ADAMTSL1: variants seen among roughly 807,000 people sequenced by gnomAD.
ADAMTSL1 encodes the protein ADAMTS like 1, also known as ADAMTS-like protein 1.
A neutral mutation model predicts 201.8 loss-of-function variants in ADAMTSL1; 126 were observed. That is an observed-to-expected ratio of 0.62 (90% confidence interval 0.54 to 0.72). ADAMTSL1 has a LOEUF of 0.72. ADAMTSL1 is among the 30% of genes least tolerant of loss of function. The pLI, the probability that ADAMTSL1 is intolerant of heterozygous loss-of-function variation, is 0.00. For synonymous variants in ADAMTSL1, 1,121 were observed against 903.4 expected (o/e 1.24, Z -4.32); for missense variants, 2,679 against 2,277.8 (o/e 1.18, Z -3.59).
intron 3 of ADAMTSL1, among the ~76,000 whole-genome samples, chr9:18,539,701 C>G (rs987392706): frequency 6.6e-6 from 1 of 152,176 alleles, no homozygotes; most frequent in Admixed American, 6.5e-5. Context: ...ATTGTCCAAT[C>G]TGATTCCAGG....
At chr9:18,317,841 G>T (rs937745700) in intron 2 of ADAMTSL1, among the ~76,000 whole-genome samples, 1 of 152,158 alleles carries the variant, frequency 6.6e-6, no homozygotes, top group Non-Finnish European at 1.5e-5. Flanking sequence ...AACTTCCTGA[G>T]GGCAAACACC....
chr9:18,670,539 G>A (rs139828832), intron 9 of ADAMTSL1, among the ~76,000 whole-genome samples: 1,584 of 152,338 alleles, frequency 0.01, 11 homozygotes, highest in South Asian at 0.023. Flanking sequence ...AAGGCAAGAC[G>A]TGGGACTGAA....
At chr9:18,066,043 C>A (rs1436702138) in intron 1 of ADAMTSL1, among the ~76,000 whole-genome samples, 4 of 150,106 alleles carry the variant, frequency 2.7e-5, no homozygotes, top group Non-Finnish European at 1.5e-5. Context: ...GACCAGTTCT[C>A]CCTTATTTAA....
chr9:18,462,641 A>G (rs147154320), intron 2 of ADAMTSL1, among the ~76,000 whole-genome samples: 14 of 152,220 alleles, frequency 9.2e-5, no homozygotes, highest in African/African-American at 3.4e-4. Flanking sequence ...TTTAATCAGT[A>G]GAAGAAGGAA....
At chr9:18,382,851 A>G (rs1439018424) in intron 2 of ADAMTSL1, among the ~76,000 whole-genome samples, 1 of 152,188 alleles carries the variant, frequency 6.6e-6, no homozygotes, top group Non-Finnish European at 1.5e-5. Context: ...CAGCTCTGCG[A>G]GTCTGGTCCT....
At chr9:18,894,501 C>A (rs1829494476) in intron 26 of ADAMTSL1, among the ~76,000 whole-genome samples, 1 of 151,892 alleles carries the variant, frequency 6.6e-6, no homozygotes, top group African/African-American at 2.4e-5. Context: ...AATCCATTTC[C>A]TCTTTATAAG....
At chr9:18,599,970 G>A (rs753795791) in intron 4 of ADAMTSL1, among the ~76,000 whole-genome samples, 9 of 136,110 alleles carry the variant, frequency 6.6e-5, no homozygotes, top group Non-Finnish European at 1.1e-4. Flanking sequence ...GGCTAACATG[G>A]TGAAACCTCG....
At chr9:18,413,467 G>T (rs1041983491) in intron 2 of ADAMTSL1, among the ~76,000 whole-genome samples, 1 of 152,108 alleles carries the variant, frequency 6.6e-6, no homozygotes, top group Non-Finnish European at 1.5e-5. Context: ...GCCCGGCCAG[G>T]ATAATGTTTT....
At chr9:18,251,346 T>C (rs1831459076) in intron 2 of ADAMTSL1, among the ~76,000 whole-genome samples, 1 of 152,148 alleles carries the variant, frequency 6.6e-6, no homozygotes, top group Admixed American at 6.5e-5. Flanking sequence ...GTTGAGTTTC[T>C]AGACAAGAAA....
chr9:18,308,350 G>T (rs779035611), intron 2 of ADAMTSL1, among the ~76,000 whole-genome samples: 9 of 152,052 alleles, frequency 5.9e-5, no homozygotes, highest in African/African-American at 1.2e-4. Context: ...GATCAGAGCA[G>T]AATTGAAGGA....
intron 21 of ADAMTSL1, among the ~76,000 whole-genome samples, chr9:18,818,041 A>T (rs1225692333): frequency 6.6e-6 from 1 of 152,194 alleles, no homozygotes; most frequent in Non-Finnish European, 1.5e-5. Context: ...TCTGTATAAA[A>T]ATATTTACCT....
At chr9:18,560,459 C>T (rs2132275540) in intron 3 of ADAMTSL1, among the ~76,000 whole-genome samples, 1 of 152,178 alleles carries the variant, frequency 6.6e-6, no homozygotes, top group East Asian at 1.9e-4. Context: ...GGATATTGGC[C>T]TGAAATTTTC....
At chr9:18,795,886 T>G (rs1453270390) in intron 20 of ADAMTSL1, among the ~76,000 whole-genome samples, 3 of 152,206 alleles carry the variant, frequency 2.0e-5, no homozygotes, top group Admixed American at 2.0e-4. Context: ...GAAGACTCTT[T>G]TGGATCCTGT....
At chr9:18,608,028 A>G (rs1290301460) in intron 4 of ADAMTSL1, among the ~76,000 whole-genome samples, 3 of 152,168 alleles carry the variant, frequency 2.0e-5, no homozygotes, top group African/African-American at 4.8e-5. Context: ...TATACATAAT[A>G]CATGCAGAAG....
chr9:18,777,317 G>C lies in ADAMTSL1; in HGVS notation c.3088G>C (p.Glu1030Gln), dbSNP rs774824904. 55 of 1,602,292 alleles carry C rather than the reference G, an allele frequency of 3.4e-5. No individual in the cohort carries two copies. Among genetic ancestry groups the C allele is most frequent in the Non-Finnish European group, 4.6e-5 (54 of 1,174,668 alleles). The change falls in exon 19 of 29, where the codon GAG becomes CAG. Residue 1030 changes from glutamate to glutamine, a missense_variant. Transcript: ENST00000380548. ...RYDDLVSRLL[E>Q]QGGWPGELLA... is the part of the protein sequence containing the mutation. ...CGACGACCTCGTCTCCCGGCTGCTG[G>C]AGCAGGGCGGCTGGCCCGGAGAGCT...
chr9:18,199,411 T>C (rs1430668062), intron 2 of ADAMTSL1, among the ~76,000 whole-genome samples: 1 of 152,068 alleles, frequency 6.6e-6, no homozygotes, highest in Admixed American at 6.6e-5. Context: ...TATAAGACAA[T>C]TGATCACTAA....
chr9:18,344,942 G>A (rs1183442063), intron 2 of ADAMTSL1, among the ~76,000 whole-genome samples: 1 of 152,126 alleles, frequency 6.6e-6, no homozygotes, highest in African/African-American at 2.4e-5. Context: ...CCCCTCGGGA[G>A]GCCCTCTTTT....
chr9:18,494,491 G>A (rs888577592), intron 1 of ADAMTSL1, among the ~76,000 whole-genome samples: 3 of 152,144 alleles, frequency 2.0e-5, no homozygotes, highest in African/African-American at 7.2e-5. Flanking sequence ...ATGTGAGCAA[G>A]ATGGTGAGGA....
chr9:18,227,904 G>A (rs1830490793), intron 2 of ADAMTSL1, among the ~76,000 whole-genome samples: 1 of 152,196 alleles, frequency 6.6e-6, no homozygotes, highest in Non-Finnish European at 1.5e-5. Context: ...AAGGTGCTCA[G>A]AGCATGTTTG....
Sources: gnomAD v4.1 joint callset for allele counts (sites outside exome capture counted in the v4.1 genomes callset) on GRCh38, gnomAD v4.1.1 for gene constraint, MANE v1.5 for transcripts, NCBI Gene and HGNC (gene_info 2026-07-23, HGNC 2026-07-21) for gene names.